The following RBKS variants were observed in gnomAD, a reference collection of about 807,000 sequenced individuals.
The protein encoded by RBKS is ribokinase.
In RBKS, 33 loss-of-function variants were observed where a neutral mutation model predicts 33.9. The ratio of observed to expected loss-of-function variants is 0.97; its 90% CI spans 0.74 to 1.30. RBKS has a LOEUF of 1.30. RBKS is among the 50% of genes most tolerant of loss of function. RBKS has a pLI of 0.00. For synonymous variants in RBKS, 125 were observed against 143.0 expected, an observed-to-expected ratio of 0.87 and a Z score of 0.90; for missense variants, 361 against 392.6, an observed-to-expected ratio of 0.92 and a Z score of 0.68.
chr2:27,867,926 A>G (rs1363362406), intron 1 of RBKS, among the ~76,000 whole-genome samples: 1 of 152,254 alleles, frequency 6.6e-6, no homozygotes, highest in Non-Finnish European at 1.5e-5. Context: ...TCATTTGTCA[A>G]AAGTTCCTGA....
At chr2:27,831,019 A>G (rs1183805701) in intron 6 of RBKS, among the ~76,000 whole-genome samples, 3 of 152,150 alleles carry the variant, frequency 2.0e-5, no homozygotes, top group South Asian at 2.1e-4. Flanking sequence ...CCCAGCTGAA[A>G]GCCAGCATCA....
At chr2:27,831,076 C>T (rs967648169) in intron 6 of RBKS, among the ~76,000 whole-genome samples, 1 of 152,164 alleles carries the variant, frequency 6.6e-6, no homozygotes, top group Non-Finnish European at 1.5e-5. Context: ...TCAGCCTTTG[C>T]GTCTTCCAAC....
Position 27,837,459 on chromosome 2 carries a change from AG to A in RBKS, c.515-4683del, listed in dbSNP as rs1229503273. Among the ~76,000 whole-genome samples the A allele has an allele frequency of 6.6e-6, 1 of 152,222 alleles. No individual in the cohort carries two copies. The highest frequency in any genetic ancestry group is 2.4e-5 in the African/African-American group (1 of 41,450). On this transcript the variant is annotated intron_variant, in intron 5 of 7. Coordinates refer to ENST00000302188, the MANE Select transcript of RBKS (RefSeq NM_022128.3). This position sits in a 1 kb window ranked among gnomAD's most constrained non-coding sequence, Gnocchi z 4.0. Reference sequence around the variant, plus strand: ...TTAAAATAGACCTACCATTTGACCCAGCAATCCTATGCCTGGTACACACCCA... The same window carrying A: ...TTAAAATAGACCTACCATTTGACCCACAATCCTATGCCTGGTACACACCCA...
In RBKS at chr2:27,810,517, T is replaced by C. The variant is rs1322302053; in HGVS notation, c.795+17050A>G. ...GTTATACAGGCATCTTTCTGTGCTA[T>C]CTGCAGAGAATCACTGATGACAGGA... is the stretch of plus-strand genomic sequence containing the variant. On this transcript the variant is annotated intron_variant, in intron 7 of 7. Transcript: ENST00000302188. The surrounding 1 kb of genome is among the most constrained non-coding windows in gnomAD (Gnocchi z 4.4). Among the ~76,000 whole-genome samples the C allele has an allele frequency of 6.6e-6, 1 of 152,186 alleles. No homozygotes were observed. The highest frequency in any genetic ancestry group is 1.5e-5 in the Non-Finnish European group (1 of 68,042).
At chr2:27,832,311 T>A (rs1678433091) in intron 6 of RBKS, among the ~76,000 whole-genome samples, 1 of 152,230 alleles carries the variant, frequency 6.6e-6, no homozygotes, top group Admixed American at 6.5e-5. Context: ...TTATTTATTA[T>A]CTATCTGAAA....
In RBKS at chr2:27,827,553, AT is replaced by A; in HGVS notation, c.795+13del. The A allele has an allele frequency of 6.5e-7, 1 of 1,536,296 alleles. No homozygotes were observed. The highest frequency in any genetic ancestry group is 8.7e-7 in the Non-Finnish European group (1 of 1,143,144). ...TTCAAAGGCTAAACATGATTCTTAAATTTTAAAACTTACCGTGGTATCCACA... is the reference window on the plus strand; with the variant it reads ...TTCAAAGGCTAAACATGATTCTTAAATTTAAAACTTACCGTGGTATCCACA... On this transcript the variant is annotated intron_variant, in intron 7 of 7. Coordinates refer to ENST00000302188, the MANE Select transcript of RBKS (RefSeq NM_022128.3).
intron 7 of RBKS, among the ~76,000 whole-genome samples, chr2:27,796,989 T>C (rs34181670): frequency 0.29 from 44,102 of 152,158 alleles, 7,202 homozygotes; most frequent in East Asian, 0.59. Context: ...TGAAGGTACC[T>C]GACTCATGTC....
intron 7 of RBKS, among the ~76,000 whole-genome samples, chr2:27,823,827 G>T (rs1268877539): frequency 1.3e-5 from 2 of 152,210 alleles, no homozygotes; most frequent in African/African-American, 4.8e-5. Context: ...TCAGTGGAGA[G>T]TCTTTATCAC....
intron 7 of RBKS, among the ~76,000 whole-genome samples, chr2:27,807,402 C>A (rs1050361303): frequency 1.3e-5 from 2 of 151,922 alleles, no homozygotes; most frequent in Admixed American, 6.6e-5. Context: ...TTTTTTGAGA[C>A]AGGGTCTTGC....
At chr2:27,889,975 G>A (rs1208011504) in intron 1 of RBKS, 2 of 336,976 alleles carry the variant, frequency 5.9e-6, no homozygotes, top group Non-Finnish European at 1.1e-5. Context: ...CTTTGGGGGC[G>A]CAAGTCTTTG....
Position 27,822,037 on chromosome 2 carries a change from C to G in RBKS, c.795+5530G>C, listed in dbSNP as rs573147795. Among the ~76,000 whole-genome samples, 160 of 152,206 alleles carry G rather than the reference C, an allele frequency of 1.1e-3. 1 individual carries two copies. Among genetic ancestry groups the G allele is most frequent in the African/African-American group, 3.8e-3 (158 of 41,528 alleles). On this transcript the variant is annotated intron_variant, in intron 7 of 7. Transcript: ENST00000302188. ...GCCATAAATCCCCTCAGAAACTCAA[C>G]TAATTACTACATGCAAAGAAAGTAT... is the stretch of plus-strand genomic sequence containing the variant.
chr2:27,847,336 C>T (rs1663640818), intron 3 of RBKS, among the ~76,000 whole-genome samples: 1 of 152,182 alleles, frequency 6.6e-6, no homozygotes, highest in East Asian at 1.9e-4. Flanking sequence ...TAACAACCCA[C>T]CAAACTGCTC....
chr2:27,801,860 C>A (rs922212403), intron 7 of RBKS, among the ~76,000 whole-genome samples: 2 of 148,386 alleles, frequency 1.3e-5, no homozygotes, highest in Non-Finnish European at 3.0e-5. Flanking sequence ...GTTTTTGACA[C>A]AGGGTCTCAC....
chr2:27,862,945 G>A (rs1664018406), intron 1 of RBKS, among the ~76,000 whole-genome samples: 1 of 151,472 alleles, frequency 6.6e-6, no homozygotes, highest in Non-Finnish European at 1.5e-5. Context: ...GTTCAAGAAA[G>A]CATCTGCACA....
chr2:27,801,963 A>AAAATATAT (rs1308232858), intron 7 of RBKS, among the ~76,000 whole-genome samples: 22 of 47,614 alleles, frequency 4.6e-4, no homozygotes, highest in African/African-American at 9.7e-4. Context: ...AAAAAAAAAA[A>AAAATATAT]ATATATATAT....
chr2:27,821,481 A>T (rs1033374946), intron 7 of RBKS, among the ~76,000 whole-genome samples: 2 of 152,186 alleles, frequency 1.3e-5, no homozygotes, highest in African/African-American at 4.8e-5. Context: ...ATGACTATGC[A>T]TAGAAAAAAA....
chr2:27,873,918 A>G (rs1374531241), intron 1 of RBKS, among the ~76,000 whole-genome samples: 1 of 152,188 alleles, frequency 6.6e-6, no homozygotes, highest in African/African-American at 2.4e-5. Flanking sequence ...AAACACATCA[A>G]CCATATACAA....
chr2:27,848,549 C>T (rs949803265), intron 2 of RBKS, among the ~76,000 whole-genome samples: 1 of 152,182 alleles, frequency 6.6e-6, no homozygotes, highest in African/African-American at 2.4e-5. Context: ...TTTAAAGGCC[C>T]TAGCTAACTT....
chr2:27,838,204 CAAACAAAAACA>C (rs751185829), intron 5 of RBKS, among the ~76,000 whole-genome samples: 2 of 151,830 alleles, frequency 1.3e-5, no homozygotes, highest in Non-Finnish European at 2.9e-5. Flanking sequence ...CTATCTCAAA[CAAACAAAAACA>C]AAACAAAAAC....
Sources: gnomAD v4.1 joint callset for allele counts (sites outside exome capture counted in the v4.1 genomes callset) on GRCh38, gnomAD v4.1.1 for gene constraint, Gnocchi (gnomAD v3.1) non-coding constraint, MANE v1.5 for transcripts, NCBI Gene and HGNC (gene_info 2026-07-23, HGNC 2026-07-21) for gene names.